DYNC1I1: variants seen among roughly 807,000 people sequenced by gnomAD.
The protein encoded by DYNC1I1 is cytoplasmic dynein 1 intermediate chain 1.
DYNC1I1 carries 43 observed loss-of-function variants against 86.6 expected under a neutral mutation model. That is an observed-to-expected ratio of 0.50 (90% confidence interval 0.39 to 0.64). DYNC1I1 has a LOEUF of 0.64. DYNC1I1 is among the 30% of genes least tolerant of loss of function. The pLI, the probability that DYNC1I1 is intolerant of heterozygous loss-of-function variation, is 0.00. For synonymous variants in DYNC1I1, 262 were observed against 283.7 expected (o/e 0.92, Z 0.77); for missense variants, 604 against 788.8 (o/e 0.77, Z 2.81).
chr7:95,978,105 C>A (rs1793354660), intron 7 of DYNC1I1, among the ~76,000 whole-genome samples: 1 of 152,112 alleles, frequency 6.6e-6, no homozygotes, highest in South Asian at 2.1e-4. Context: ...TAATAACTAA[C>A]ATTTATTAAG....
chr7:96,034,552 C>T (rs1342110081), intron 12 of DYNC1I1, among the ~76,000 whole-genome samples: 1 of 152,104 alleles, frequency 6.6e-6, no homozygotes, highest in Admixed American at 6.6e-5. Context: ...TTCTCTCTCC[C>T]AAATGGGTAA....
At chr7:96,038,463 CTG>C (rs1185323290) in intron 13 of DYNC1I1, among the ~76,000 whole-genome samples, 1 of 152,070 alleles carries the variant, frequency 6.6e-6, no homozygotes, top group Non-Finnish European at 1.5e-5. Context: ...CAAGATATGT[CTG>C]TGTGTAATTT....
At chr7:95,857,514 G>A (rs1411374540) in intron 5 of DYNC1I1, among the ~76,000 whole-genome samples, 1 of 152,112 alleles carries the variant, frequency 6.6e-6, no homozygotes, top group Non-Finnish European at 1.5e-5. Context: ...TATTGTTCCT[G>A]TAGTACACTG....
At chr7:95,892,333 A>G (rs1014503167) in intron 6 of DYNC1I1, among the ~76,000 whole-genome samples, 2 of 151,522 alleles carry the variant, frequency 1.3e-5, no homozygotes, top group Non-Finnish European at 2.9e-5. Flanking sequence ...CCCCCGAGAC[A>G]GAGTCTTGCT....
intron 15 of DYNC1I1, 59 bp downstream of exon 15, chr7:96,076,256 T>TCG: frequency 6.3e-7 from 1 of 1,591,518 alleles, no homozygotes; most frequent in South Asian, 1.1e-5. Context: ...AGTCGGCCAC[T>TCG]CGCAGTCTCT....
intron 6 of DYNC1I1, among the ~76,000 whole-genome samples, chr7:95,872,168 C>T (rs12535988): frequency 0.19 from 28,487 of 152,108 alleles, 2,999 homozygotes; most frequent in Admixed American, 0.31. Flanking sequence ...TTCTACCATG[C>T]GGCAGATGTG....
At chr7:96,058,974 T>C (rs1789674488) in intron 14 of DYNC1I1, among the ~76,000 whole-genome samples, 1 of 151,890 alleles carries the variant, frequency 6.6e-6, no homozygotes, top group South Asian at 2.1e-4. Context: ...AACAGTTGTA[T>C]TCTATAAAGT....
intron 10 of DYNC1I1, among the ~76,000 whole-genome samples, chr7:96,023,407 G>A (rs1794600935): frequency 2.0e-5 from 3 of 152,178 alleles, no homozygotes; most frequent in African/African-American, 4.8e-5. Flanking sequence ...AGCCTAGAGG[G>A]TAGGCTTCCC....
chr7:95,924,191 A>G (rs1161420286), intron 6 of DYNC1I1, among the ~76,000 whole-genome samples: 3 of 152,274 alleles, frequency 2.0e-5, no homozygotes, highest in African/African-American at 4.8e-5. Context: ...CTGAGATACA[A>G]TCTTCTGTGT....
At position 95,977,515 on chromosome 7, in the gene DYNC1I1, A is replaced by G; in HGVS notation, c.494A>G (p.Asp165Gly). The change falls in exon 7 of 17, where the codon GAT (aspartate) becomes GGT (glycine). Residue 165 changes from aspartate to glycine, a missense_variant. By Grantham distance (94) the Asp-to-Gly change is moderately conservative. Transcript: ENST00000447467. ...TTTTTCTCTTTCTTTTTTCTAGAGG[A>G]TGAGGAAGATGAGGAAATGGTGGAA... ...TPLATHQSEE[D>G]EEDEEMVESK... 1 of 1,612,320 alleles carries G rather than the reference A, an allele frequency of 6.2e-7. No individual in the cohort carries two copies. The highest frequency in any genetic ancestry group is 8.5e-7 in the Non-Finnish European group (1 of 1,179,388).
At chr7:96,049,257 CA>C (rs200677000) in intron 14 of DYNC1I1, among the ~76,000 whole-genome samples, 5,103 of 76,084 alleles carry the variant, frequency 0.067, 56 homozygotes, top group South Asian at 0.11. Flanking sequence ...GACTCCATCT[CA>C]AAAAAAAAAA....
chr7:95,894,609 A>G (rs1465963435), intron 6 of DYNC1I1, among the ~76,000 whole-genome samples: 1 of 152,214 alleles, frequency 6.6e-6, no homozygotes, highest in Non-Finnish European at 1.5e-5. Flanking sequence ...ATCACAGTTT[A>G]AATTTTAAAT....
chr7:95,974,719 G>C lies in DYNC1I1; in HGVS notation c.491-2793G>C, dbSNP rs1238202767. 3.9e-5 allele frequency among the ~76,000 whole-genome samples: 6 copies of C among 152,284 alleles called. No individual in the cohort carries two copies. The East Asian group carries it at 1.2e-3, about 29-fold the overall frequency. ...AGAATGAAAATTAGAACAGAATGTG[G>C]TTGTAGAATACCTGATAAATAAAAT... On this transcript the variant is annotated intron_variant, in intron 6 of 16. Transcript: ENST00000447467.
intron 14 of DYNC1I1, among the ~76,000 whole-genome samples, chr7:96,053,212 A>G (rs904453605): frequency 6.6e-6 from 1 of 152,236 alleles, no homozygotes; most frequent in South Asian, 2.1e-4. Context: ...TATGATTACA[A>G]TAGTCATAAT....
At chr7:96,005,473 G>A (rs572873955) in intron 10 of DYNC1I1, among the ~76,000 whole-genome samples, 5 of 152,148 alleles carry the variant, frequency 3.3e-5, no homozygotes, top group East Asian at 1.9e-4. Context: ...TGCATATTGC[G>A]TTATCTGACA....
intron 5 of DYNC1I1, among the ~76,000 whole-genome samples, chr7:95,845,217 G>C (rs571992722): frequency 1.3e-5 from 2 of 152,128 alleles, no homozygotes; most frequent in East Asian, 3.9e-4. Flanking sequence ...TTACTCTAGA[G>C]TCTACCAGGC....
At chr7:96,048,319 A>C (rs1789283128) in intron 14 of DYNC1I1, among the ~76,000 whole-genome samples, 1 of 152,222 alleles carries the variant, frequency 6.6e-6, no homozygotes, top group South Asian at 2.1e-4. Context: ...CTGACATTCA[A>C]AGCTGTCCAC....
intron 5 of DYNC1I1, among the ~76,000 whole-genome samples, chr7:95,838,717 G>C (rs954352993): frequency 6.6e-6 from 1 of 151,768 alleles, no homozygotes; most frequent in Non-Finnish European, 1.5e-5. Flanking sequence ...TTTCATAAAT[G>C]CTTCATAGTT....
chr7:95,970,189 G>A (rs535255366), intron 6 of DYNC1I1, among the ~76,000 whole-genome samples: 3 of 152,118 alleles, frequency 2.0e-5, no homozygotes, highest in Non-Finnish European at 4.4e-5. Context: ...ACAAATACAT[G>A]TCTAAATTCA....
Sources: allele counts gnomAD v4.1 joint callset (sites outside exome capture counted in the v4.1 genomes callset), GRCh38; gene constraint gnomAD v4.1.1; transcripts MANE v1.5; gene names NCBI Gene and HGNC (gene_info 2026-07-23, HGNC 2026-07-21).